The following SFTPA1 variants were observed in gnomAD, a reference collection of about 807,000 sequenced individuals.
SFTPA1 encodes pulmonary surfactant-associated protein A1.
In SFTPA1, 13 loss-of-function variants were observed where a neutral mutation model predicts 19.1. The observed-to-expected ratio is 0.68, with a 90% CI of 0.44 to 1.08. The LOEUF (loss-of-function observed/expected upper bound fraction) is 1.08, where lower values mean the gene tolerates loss of function less well. Among genes scored for constraint, SFTPA1 ranks in the 50% least tolerant of loss-of-function variants. The pLI, the probability that SFTPA1 is intolerant of heterozygous loss-of-function variation, is 0.00. For synonymous variants in SFTPA1, 101 were observed against 117.0 expected (o/e 0.86, Z 0.88); for missense variants, 259 against 316.4 (o/e 0.82, Z 1.38).
In SFTPA1 at chr10:79,614,719, G is replaced by T; in HGVS notation, c.*606G>T. On this transcript the variant is annotated 3_prime_UTR_variant, in exon 6 of 6. Transcript: ENST00000398636. ...AGGGTGGTGGCCAAGCCAACCCCAT[G>T]ATTGATGTGTACGATTCACTCCTTT... The T allele has an allele frequency of 3.3e-6, 1 of 306,168 alleles. No individual in the cohort carries two copies. 19.0% of individuals were successfully genotyped at this position (306,168 alleles called of 1,614,324 possible).
At chr10:79,612,886 G>A (rs539510545) in intron 4 of SFTPA1, among the ~76,000 whole-genome samples, 21 of 127,088 alleles carry the variant, frequency 1.7e-4, no homozygotes, top group African/African-American at 5.9e-4. Flanking sequence ...GCCCTTGGTG[G>A]AGGGTGCGGG....
intron 2 of SFTPA1, 166 bp downstream of exon 2, chr10:79,611,555 C>A (rs1368065948): frequency 9.7e-6 from 15 of 1,543,600 alleles, no homozygotes; most frequent in Middle Eastern, 2.0e-4. Context: ...CTCCCCAGAG[C>A]TCCTTACTCT....
Position 79,612,451 on chromosome 10 carries a change from T to C in SFTPA1, c.292+20T>C, listed in dbSNP as rs901394714. The C allele has an allele frequency of 3.1e-6, 5 of 1,610,494 alleles. No homozygotes were observed. Among genetic ancestry groups the C allele is most frequent in the African/African-American group, 2.7e-5 (2 of 74,250 alleles). On this transcript the variant is annotated intron_variant, in intron 4 of 5. Coordinates refer to ENST00000398636, the MANE Select transcript of SFTPA1 (RefSeq NM_005411.5). ...CTCCAGGTGAGCAGGGTGGGGCAGG[T>C]GGGCAGTGGAAACATGGGCACAGCG...
Position 79,615,307 on chromosome 10 carries a change from A to G in SFTPA1, c.*1194A>G, listed in dbSNP as rs546854035. On this transcript the variant is annotated 3_prime_UTR_variant, in exon 6 of 6. Coordinates refer to ENST00000398636, the MANE Select transcript of SFTPA1 (RefSeq NM_005411.5). ...AAGCTTGGAGGAGTTAAATGTTTTG[A>G]GTATTATTCCAGAGAGCAAGTGGCA... is the stretch of plus-strand genomic sequence containing the variant. 3.8e-5 allele frequency: 12 copies of G among 312,106 alleles called. No homozygotes were observed. The East Asian group carries it at 1.1e-3, about 28-fold the overall frequency. 19.3% of individuals were successfully genotyped at this position (312,106 alleles called of 1,614,324 possible). A position where few individuals can be genotyped will look rare whatever the true frequency, so the allele number is the denominator to read the frequency against.
chr10:79,612,698 G>A (rs1465551897), intron 4 of SFTPA1, among the ~76,000 whole-genome samples: 2 of 152,150 alleles, frequency 1.3e-5, no homozygotes, highest in African/African-American at 4.8e-5. Context: ...ATGAGGGACA[G>A]CACTGGGAGG....
rs1308825429 is a variant in SFTPA1, at chr10:79,613,160, C to T, written c.293-29C>T. ...AAGTGGGAGTCTTCACTGGCCTGCC[C>T]CTCCTTCTGTGTGGGGCACTCTCCA... On this transcript the variant is annotated intron_variant, in intron 4 of 5. Coordinates refer to ENST00000398636, the MANE Select transcript of SFTPA1 (RefSeq NM_005411.5). 5 of 1,613,688 alleles carry T rather than the reference C, an allele frequency of 3.1e-6. No homozygotes were observed. In the Admixed American group the frequency reaches 8.3e-5, roughly 27 times the overall value.
At chr10:79,613,582 G>C (rs1198432133) in intron 5 of SFTPA1, among the ~76,000 whole-genome samples, 155 bp from the exon 6 acceptor site, 1 of 152,182 alleles carries the variant, frequency 6.6e-6, no homozygotes, top group East Asian at 1.9e-4. Flanking sequence ...GTCTAAAAGT[G>C]AATTTAGAAA....
In SFTPA1 at chr10:79,613,873, G is replaced by A. The variant is rs141789991; in HGVS notation, c.507G>A (p.Glu169=). The A allele has an allele frequency of 2.8e-5, 45 of 1,613,878 alleles. No individual in the cohort carries two copies. In the African/African-American group the frequency reaches 4.5e-4, roughly 16 times the overall value. Residue 169 remains glutamate, a synonymous_variant, in exon 6 of 6, where the codon GAG becomes GAA. Transcript: ENST00000398636. ...GGRIAVPRNP[E]ENEAIASFVK... ...GCATTGCTGTCCCAAGGAATCCAGA[G>A]GAAAATGAGGCCATTGCAAGCTTCG... is the stretch of plus-strand genomic sequence containing the variant.
chr10:79,612,376 TGGTATCCCTGGAGAGTGTG>T lies in SFTPA1; in HGVS notation c.239_257del (p.Gly80GlufsTer18). 6.2e-7 allele frequency: 1 copy of T among 1,613,816 alleles called. No homozygotes were observed. The highest frequency in any genetic ancestry group is 8.5e-7 in the Non-Finnish European group (1 of 1,179,884). On this transcript the variant is annotated frameshift_variant, in exon 4 of 6. Transcript: ENST00000398636. LOFTEE classifies it high-confidence loss of function. ...GAAATGATGGGCTGCCTGGAGCCCC[TGGTATCCCTGGAGAGTGTG>T]GAGAGAAGGGGGAGCCTGGCGAGAG...
rs548998131 is a variant in SFTPA1 at position 79,614,054 on chromosome 10, G to A, written c.688G>A (p.Asp230Asn). Residue 230 changes from aspartate (D) to asparagine (N), a missense_variant, in exon 6 of 6, where the codon GAT becomes AAT. Physicochemically the swap from Asp to Asn is conservative, Grantham distance 23. Coordinates refer to ENST00000398636, the MANE Select transcript of SFTPA1 (RefSeq NM_005411.5). ...AGAGCAGTGTGTGGAGATGTACACA[G>A]ATGGGCAGTGGAATGACAGGAACTG... ...GKEQCVEMYT[D>N]GQWNDRNCLY... 14 of 1,614,188 alleles carry A rather than the reference G, an allele frequency of 8.7e-6. No homozygotes were observed. Among genetic ancestry groups the A allele is most frequent in the Non-Finnish European group, 1.2e-5 (14 of 1,180,020 alleles).
chr10:79,611,053 C>T (rs996881077), intron 1 of SFTPA1, 71 bp downstream of exon 1: 1 of 155,516 alleles, frequency 6.4e-6, no homozygotes, highest in African/African-American at 2.4e-5. Context: ...AGCCCAGCAG[C>T]CACAGGCCTG....
At position 79,614,444 on chromosome 10, in the gene SFTPA1, T is replaced by C. The variant is rs1860049725; in HGVS notation, c.*331T>C. On this transcript the variant is annotated 3_prime_UTR_variant, in exon 6 of 6. Transcript: ENST00000398636. ...ACTTACAGATGGCAGCAGTGAGGTCTTGGGGTAGAAGGACCCTCCAAAGTC... is the reference window on the plus strand; with the variant it reads ...ACTTACAGATGGCAGCAGTGAGGTCCTGGGGTAGAAGGACCCTCCAAAGTC... 1.1e-5 allele frequency: 4 copies of C among 378,176 alleles called. No homozygotes were observed. The South Asian group carries it at 1.1e-4, about 10-fold the overall frequency. The allele number at this position is 378,176 out of a possible 1,614,324, so 23.4% of individuals were successfully genotyped here.
chr10:79,613,092 C>A, intron 4 of SFTPA1, 97 bp from the exon 5 acceptor site: 1 of 1,607,638 alleles, frequency 6.2e-7, no homozygotes, highest in Non-Finnish European at 8.5e-7. Flanking sequence ...AATGAAAGGG[C>A]AGAGTTCCAG....
chr10:79,611,798 T>G lies in SFTPA1; in HGVS notation c.-23-5T>G, dbSNP rs3997775. 1.3e-3 allele frequency: 1,942 copies of G among 1,461,868 alleles called. 14 individuals are homozygous for G. The African/African-American group carries it at 0.025, about 19-fold the overall frequency. 90.6% of individuals were successfully genotyped at this position (1,461,868 alleles called of 1,614,324 possible). On this transcript the variant is annotated splice_region_variant and splice_polypyrimidine_tract_variant and intron_variant, in intron 2 of 5. Coordinates refer to ENST00000398636, the MANE Select transcript of SFTPA1 (RefSeq NM_005411.5). The stretch of plus-strand genomic sequence containing the variant: ...CAGATGGGCTCACGGCCATCCCTCC[T>G]GCAGGAGCAGCGACTGGACCCAGAG...
intron 4 of SFTPA1, 136 bp from the exon 5 acceptor site, chr10:79,613,053 A>G (rs1370908629): frequency 6.4e-7 from 1 of 1,553,730 alleles, no homozygotes; most frequent in Non-Finnish European, 8.7e-7. Context: ...GGACCCTCTG[A>G]GCCTAGGGTC....
chr10:79,614,946 C>G lies in SFTPA1; in HGVS notation c.*833C>G. 1 of 1,275,350 alleles carries G rather than the reference C, an allele frequency of 7.8e-7. No homozygotes were observed. Among genetic ancestry groups the G allele is most frequent in the Non-Finnish European group, 1.0e-6 (1 of 964,908 alleles). 79.0% of individuals were successfully genotyped at this position (1,275,350 alleles called of 1,614,324 possible). On this transcript the variant is annotated 3_prime_UTR_variant, in exon 6 of 6. Transcript: ENST00000398636. ...TTCTCCTTTCATTAATCCATTCACC[C>G]AGATATTTCATTAAAATTATCACGT... is the stretch of plus-strand genomic sequence containing the variant.
chr10:79,614,840 C>G lies in SFTPA1; in HGVS notation c.*727C>G, dbSNP rs936166740. 1 of 527,370 alleles carries G rather than the reference C, an allele frequency of 1.9e-6. No homozygotes were observed. The highest frequency in any genetic ancestry group is 2.0e-5 in the African/African-American group (1 of 49,800). 32.7% of individuals were successfully genotyped at this position (527,370 alleles called of 1,614,324 possible). On this transcript the variant is annotated 3_prime_UTR_variant, in exon 6 of 6. Coordinates refer to ENST00000398636, the MANE Select transcript of SFTPA1 (RefSeq NM_005411.5). ...CCGCCTTCAGATGTGACCCGAGTAA[C>G]TTTCAACTGATGAACAAATCTGCAC...
chr10:79,615,258 T>C lies in SFTPA1; in HGVS notation c.*1145T>C. On this transcript the variant is annotated 3_prime_UTR_variant, in exon 6 of 6. Coordinates refer to ENST00000398636, the MANE Select transcript of SFTPA1 (RefSeq NM_005411.5). ...ACAATGTCACGGGACCAGTATTGTT[T>C]CCTCATTTTTTATAAGGACACTGAA... The C allele has an allele frequency of 2.6e-6, 1 of 385,034 alleles. No homozygotes were observed. Among genetic ancestry groups the C allele is most frequent in the South Asian group, 2.8e-5 (1 of 35,750 alleles). 23.9% of individuals were successfully genotyped at this position (385,034 alleles called of 1,614,324 possible).
chr10:79,613,424 C>A (rs984875942), intron 5 of SFTPA1, among the ~76,000 whole-genome samples, 158 bp downstream of exon 5: 5 of 152,124 alleles, frequency 3.3e-5, no homozygotes, highest in Non-Finnish European at 4.4e-5. Flanking sequence ...TTGAATGGCC[C>A]AGAGGAGACA....
Sources: allele counts gnomAD v4.1 joint callset (sites outside exome capture counted in the v4.1 genomes callset), GRCh38; gene constraint gnomAD v4.1.1; transcripts MANE v1.5; gene names NCBI Gene and HGNC (gene_info 2026-07-23, HGNC 2026-07-21).